ADCY1: variants seen among roughly 807,000 people sequenced by gnomAD.
ADCY1 encodes the protein adenylate cyclase 1, also known as adenylate cyclase type 1.
Under a neutral mutation model 105.4 loss-of-function variants are expected in ADCY1, and 28 were observed. That is an observed-to-expected ratio of 0.27 (90% CI 0.20 to 0.36). The LOEUF (loss-of-function observed/expected upper bound fraction) is 0.36, where lower values mean the gene tolerates loss of function less well. Ranked by LOEUF, ADCY1 falls within the 10% of genes least tolerant of loss-of-function variation. The pLI is 1.00. For synonymous variants in ADCY1, 655 were observed against 623.8 expected (o/e 1.05, Z -0.75); for missense variants, 977 against 1,434.2 (o/e 0.68, Z 5.15).
rs146608727 is a variant in ADCY1 at position 45,712,548 on chromosome 7, G to T, written c.3058-1145G>T. Among the ~76,000 whole-genome samples, 433 of 152,178 alleles carry T rather than the reference G, an allele frequency of 2.8e-3. 3 individuals carry two copies. The highest frequency in any genetic ancestry group is 9.2e-3 in the African/African-American group (383 of 41,520). ...AGGATATCACCCTTGCACTCACAGGGCCTCTGTCCTCCCTCCCCTGCTTGG... is the reference window on the plus strand; with the variant it reads ...AGGATATCACCCTTGCACTCACAGGTCCTCTGTCCTCCCTCCCCTGCTTGG... On this transcript the variant is annotated intron_variant, in intron 19 of 19. Transcript: ENST00000297323.
At chr7:45,662,287 C>A in intron 8 of ADCY1, 73 bp downstream of exon 8, 1 of 1,489,384 alleles carries the variant, frequency 6.7e-7, no homozygotes, top group African/African-American at 1.4e-5. Flanking sequence ...CCCAATATGG[C>A]CCCCGTGCCA....
chr7:45,644,514 C>T (rs1388673549), intron 4 of ADCY1, among the ~76,000 whole-genome samples: 2 of 152,222 alleles, frequency 1.3e-5, no homozygotes, highest in Non-Finnish European at 2.9e-5. Context: ...ACTTTCCTAT[C>T]TGGATTCTCC....
At chr7:45,681,666 T>C (rs888118948) in intron 11 of ADCY1, among the ~76,000 whole-genome samples, 16 of 152,106 alleles carry the variant, frequency 1.1e-4, no homozygotes, top group African/African-American at 3.9e-4. Flanking sequence ...TAGGCTCCTG[T>C]TCGCAGGCTC....
chr7:45,675,328 T>G lies in ADCY1; in HGVS notation c.1606-2541T>G, dbSNP rs547132923. Among the ~76,000 whole-genome samples the G allele has an allele frequency of 1.3e-4, 20 of 152,278 alleles. No individual in the cohort carries two copies. The South Asian group carries it at 4.1e-3, about 32-fold the overall frequency. On this transcript the variant is annotated intron_variant, in intron 8 of 19. Coordinates refer to ENST00000297323, the MANE Select transcript of ADCY1 (RefSeq NM_021116.4). ...TTTCAGTCCCTTTATCCTTCCCCAT[T>G]TATAACATAAATGTCATAAATATTT...
chr7:45,697,042 G>A (rs1562728429), intron 14 of ADCY1, among the ~76,000 whole-genome samples: 1 of 152,150 alleles, frequency 6.6e-6, no homozygotes, highest in Non-Finnish European at 1.5e-5. Context: ...TTCTGAAAAG[G>A]GTAATTTTGG....
chr7:45,650,163 CAT>C (rs1413732397), intron 5 of ADCY1, among the ~76,000 whole-genome samples: 8 of 152,240 alleles, frequency 5.3e-5, no homozygotes, highest in South Asian at 2.1e-4. Flanking sequence ...ACTTGTATAT[CAT>C]ATGTCATATG....
chr7:45,655,120 A>G (rs1794903503), intron 5 of ADCY1, among the ~76,000 whole-genome samples: 1 of 152,112 alleles, frequency 6.6e-6, no homozygotes, highest in African/African-American at 2.4e-5. Flanking sequence ...AATGGCTGAC[A>G]CTCAGTAGAT....
chr7:45,668,843 C>A (rs1036915654), intron 8 of ADCY1, among the ~76,000 whole-genome samples: 2 of 152,274 alleles, frequency 1.3e-5, no homozygotes, highest in African/African-American at 4.8e-5. Flanking sequence ...TCAACTTCTT[C>A]CTGGTTTAGT....
chr7:45,677,175 T>A (rs907824415), intron 8 of ADCY1, among the ~76,000 whole-genome samples: 15 of 152,148 alleles, frequency 9.9e-5, no homozygotes, highest in Admixed American at 9.8e-4. Context: ...CTTTTACCAC[T>A]CAGTAGGAAT....
At chr7:45,679,626 G>T in intron 10 of ADCY1, 83 bp from the exon 11 acceptor site, 1 of 1,380,056 alleles carries the variant, frequency 7.2e-7, no homozygotes. Context: ...GATGTGGAGG[G>T]AGGGGCCAAT....
At chr7:45,657,675 CT>C in intron 5 of ADCY1, 51 bp from the exon 6 acceptor site, 1 of 1,572,190 alleles carries the variant, frequency 6.4e-7, no homozygotes, top group Non-Finnish European at 8.6e-7. Context: ...AGGTGGCCCC[CT>C]GGGAGGATAC....
intron 8 of ADCY1, among the ~76,000 whole-genome samples, chr7:45,665,764 G>T (rs1784232055): frequency 6.6e-6 from 1 of 152,176 alleles, no homozygotes; most frequent in Non-Finnish European, 1.5e-5. Context: ...CTAAGTGGCT[G>T]GATGGCCTCC....
chr7:45,704,145 C>T (rs1785059088), intron 16 of ADCY1, among the ~76,000 whole-genome samples: 1 of 152,134 alleles, frequency 6.6e-6, no homozygotes, highest in Non-Finnish European at 1.5e-5. Context: ...TGGGCACCTC[C>T]AGGCCCTTGT....
intron 4 of ADCY1, 76 bp from the exon 5 acceptor site, chr7:45,648,591 TAGA>T (rs1370401086): frequency 1.3e-6 from 2 of 1,580,862 alleles, no homozygotes; most frequent in East Asian, 4.5e-5. Context: ...CACCAGTGTC[TAGA>T]GGTGGTGGAG....
chr7:45,666,518 A>T (rs902326137), intron 8 of ADCY1, among the ~76,000 whole-genome samples: 19 of 152,192 alleles, frequency 1.2e-4, no homozygotes, highest in African/African-American at 4.1e-4. Context: ...TTCTTAATAC[A>T]GTCTGTCATT....
chr7:45,698,339 A>G (rs1230646856), intron 14 of ADCY1, among the ~76,000 whole-genome samples: 1 of 152,228 alleles, frequency 6.6e-6, no homozygotes, highest in Non-Finnish European at 1.5e-5. Context: ...AATTGTTCAA[A>G]TTTAAAATTA....
intron 6 of ADCY1, among the ~76,000 whole-genome samples, chr7:45,659,456 G>A (rs1206255342): frequency 2.6e-5 from 4 of 152,196 alleles, no homozygotes; most frequent in Non-Finnish European, 5.9e-5. Flanking sequence ...GTGGGTGTTC[G>A]TTTTCTGCTG....
intron 14 of ADCY1, among the ~76,000 whole-genome samples, chr7:45,698,769 G>C (rs2116246448): frequency 6.6e-6 from 1 of 152,310 alleles, no homozygotes; most frequent in African/African-American, 2.4e-5. Flanking sequence ...TGCAAAGCTA[G>C]AGTCCCCAGT....
intron 8 of ADCY1, among the ~76,000 whole-genome samples, chr7:45,663,877 C>T (rs1795196843): frequency 6.6e-6 from 1 of 151,924 alleles, no homozygotes; most frequent in Non-Finnish European, 1.5e-5. Flanking sequence ...TAGTAAGATG[C>T]TCTGTATGTG....
Sources: gnomAD v4.1 joint callset for allele counts (sites outside exome capture counted in the v4.1 genomes callset) on GRCh38, gnomAD v4.1.1 for gene constraint, MANE v1.5 for transcripts, NCBI Gene and HGNC (gene_info 2026-07-23, HGNC 2026-07-21) for gene names.